The following FGF12 variants were observed in gnomAD, a reference collection of about 807,000 sequenced individuals.
FGF12 encodes the protein fibroblast growth factor 12.
A neutral mutation model predicts 23.6 loss-of-function variants in FGF12; 14 were observed. The ratio of observed to expected loss-of-function variants is 0.59; its 90% CI spans 0.39 to 0.93. The LOEUF is 0.93. Ranked by LOEUF, FGF12 falls within the 40% of genes least tolerant of loss-of-function variation. The pLI is 0.00. For synonymous variants in FGF12, 62 were observed against 77.3 expected, an observed-to-expected ratio of 0.80 and a Z score of 1.04; for missense variants, 175 against 217.8, an observed-to-expected ratio of 0.80 and a Z score of 1.24.
chr3:192,210,117 CTG>C (rs1324778912), intron 4 of FGF12, among the ~76,000 whole-genome samples: 2 of 151,806 alleles, frequency 1.3e-5, no homozygotes, highest in Non-Finnish European at 2.9e-5. Flanking sequence ...CAGTGTACAA[CTG>C]TGATCCTTGA....
intron 2 of FGF12, among the ~76,000 whole-genome samples, chr3:192,587,676 C>T (rs1310679781): frequency 6.6e-6 from 1 of 151,464 alleles, no homozygotes; most frequent in Non-Finnish European, 1.5e-5. Flanking sequence ...TAAAAATTTG[C>T]CAGATGTGGT....
At chr3:192,726,968 G>C in intron 2 of FGF12, 1 of 617,114 alleles carries the variant, frequency 1.6e-6, no homozygotes, top group Non-Finnish European at 2.9e-6. Context: ...CTACGCAACT[G>C]ATGGAGTATT....
chr3:192,716,338 TAGTC>T (rs1718865640), intron 2 of FGF12, among the ~76,000 whole-genome samples: 2 of 152,274 alleles, frequency 1.3e-5, no homozygotes, highest in Admixed American at 6.5e-5. Flanking sequence ...CCTGTTAAAA[TAGTC>T]AGGTTCTTTC....
chr3:192,585,639 G>A (rs1012059151), intron 2 of FGF12, among the ~76,000 whole-genome samples: 4 of 152,062 alleles, frequency 2.6e-5, no homozygotes, highest in African/African-American at 9.7e-5. Context: ...TTACTGAGGA[G>A]GGGTTGCGTG....
intron 4 of FGF12, among the ~76,000 whole-genome samples, chr3:192,236,154 T>G (rs1459733937): frequency 1.3e-5 from 2 of 152,200 alleles, no homozygotes; most frequent in Non-Finnish European, 2.9e-5. Context: ...AATTTCCATG[T>G]AATTGTATGG....
At chr3:192,593,536 C>A (rs920766394) in intron 2 of FGF12, among the ~76,000 whole-genome samples, 1 of 151,932 alleles carries the variant, frequency 6.6e-6, no homozygotes, top group South Asian at 2.1e-4. Context: ...TGGCACTTTA[C>A]AGATACTCAA....
At chr3:192,715,709 T>G (rs369806953) in intron 2 of FGF12, among the ~76,000 whole-genome samples, 4 of 152,226 alleles carry the variant, frequency 2.6e-5, no homozygotes, top group African/African-American at 9.6e-5. Flanking sequence ...ATCTAAATTT[T>G]CACATGTATT....
chr3:192,347,928 G>A (rs1039195413), intron 3 of FGF12, among the ~76,000 whole-genome samples: 5 of 152,066 alleles, frequency 3.3e-5, no homozygotes, highest in African/African-American at 1.2e-4. Flanking sequence ...AGGAACTCTG[G>A]TTTCAAAGTG....
chr3:192,514,646 G>A lies in FGF12; in HGVS notation c.14-154108C>T, dbSNP rs936913614. ...GGGCATTCTGCAGTGTTTGGGGGCT[G>A]GGGAAAGAACATTTTCTCACCACTT... On this transcript the variant is annotated intron_variant, in intron 2 of 5. Coordinates refer to ENST00000445105, the MANE Select transcript of FGF12 (RefSeq NM_004113.6). The surrounding 1 kb of genome is among the most constrained non-coding windows in gnomAD (Gnocchi z 4.9). The A allele has an allele frequency of 1.0e-6, 1 of 971,312 alleles. No homozygotes were observed. The highest frequency in any genetic ancestry group is 1.8e-5 in the African/African-American group (1 of 56,960). 60.2% of individuals were successfully genotyped at this position (971,312 alleles called of 1,614,324 possible). A position where few individuals can be genotyped will look rare whatever the true frequency, so the allele number is the denominator to read the frequency against.
chr3:192,532,928 A>C (rs1344662975), intron 2 of FGF12, among the ~76,000 whole-genome samples: 2 of 152,190 alleles, frequency 1.3e-5, no homozygotes, highest in African/African-American at 2.4e-5. Flanking sequence ...AGCTGCAGAC[A>C]TGATCTAGAA....
chr3:192,200,045 A>G (rs7646716), intron 4 of FGF12, among the ~76,000 whole-genome samples: 39,101 of 151,708 alleles, frequency 0.26, 6,317 homozygotes, highest in African/African-American at 0.46. Flanking sequence ...GGCCGGGTGC[A>G]GTGGCTCACT....
chr3:192,394,295 A>T lies in FGF12; in HGVS notation c.14-33757T>A, dbSNP rs1047027836. Among the ~76,000 whole-genome samples, 3 of 152,208 alleles carry T rather than the reference A, an allele frequency of 2.0e-5. No individual in the cohort carries two copies. In the East Asian group the frequency reaches 5.8e-4, roughly 29 times the overall value. Reference sequence around the variant, plus strand: ...TGTCAAAATGCTAGAAACAAGGAAAATTTAGAAATACAGTCAATTTGTGTC... The same window carrying T: ...TGTCAAAATGCTAGAAACAAGGAAATTTTAGAAATACAGTCAATTTGTGTC... On this transcript the variant is annotated intron_variant, in intron 2 of 5. Coordinates refer to ENST00000445105, the MANE Select transcript of FGF12 (RefSeq NM_004113.6).
At chr3:192,353,618 C>A (rs946132288) in intron 3 of FGF12, among the ~76,000 whole-genome samples, 1 of 152,148 alleles carries the variant, frequency 6.6e-6, no homozygotes, top group South Asian at 2.1e-4. Context: ...ATCCGCCAGC[C>A]TCGGCCTCCC....
chr3:192,352,035 T>A (rs1448461273), intron 3 of FGF12, among the ~76,000 whole-genome samples: 1 of 143,808 alleles, frequency 7.0e-6, no homozygotes, highest in South Asian at 2.2e-4. Flanking sequence ...ATATTTTTCA[T>A]ATTTTTTTCT....
At chr3:192,570,081 T>C (rs551689084) in intron 2 of FGF12, among the ~76,000 whole-genome samples, 1 of 152,132 alleles carries the variant, frequency 6.6e-6, no homozygotes, top group Admixed American at 6.5e-5. Flanking sequence ...AATGAGTGAA[T>C]AGTTAGGATG....
At chr3:192,359,195 A>C (rs1409238222) in intron 3 of FGF12, among the ~76,000 whole-genome samples, 1 of 152,232 alleles carries the variant, frequency 6.6e-6, no homozygotes, top group Non-Finnish European at 1.5e-5. Context: ...AACTGAAATG[A>C]AATTCTTTAT....
intron 2 of FGF12, among the ~76,000 whole-genome samples, chr3:192,464,203 G>A (rs998711302): frequency 3.3e-5 from 5 of 152,224 alleles, no homozygotes; most frequent in South Asian, 2.1e-4. Flanking sequence ...AAGTTCTTTA[G>A]TGGTGATTTT....
intron 2 of FGF12, among the ~76,000 whole-genome samples, chr3:192,708,161 G>A (rs139592104): frequency 0.031 from 4,661 of 151,980 alleles, 91 homozygotes; most frequent in Non-Finnish European, 0.049. Flanking sequence ...GGATTTCACC[G>A]TGTTAGCCAG....
intron 2 of FGF12, among the ~76,000 whole-genome samples, chr3:192,477,088 C>A (rs541775486): frequency 2.0e-5 from 3 of 152,130 alleles, no homozygotes; most frequent in Admixed American, 2.0e-4. Context: ...ACTAGCTTAA[C>A]GGAAAAAGAA....
Sources: gnomAD v4.1 joint callset for allele counts (sites outside exome capture counted in the v4.1 genomes callset) on GRCh38, gnomAD v4.1.1 for gene constraint, Gnocchi (gnomAD v3.1) non-coding constraint, MANE v1.5 for transcripts, NCBI Gene and HGNC (gene_info 2026-07-23, HGNC 2026-07-21) for gene names.